CISD1: variants seen among roughly 807,000 people sequenced by gnomAD.
The protein encoded by CISD1 is CDGSH iron-sulfur domain-containing protein 1.
Under a neutral mutation model 12.0 loss-of-function variants are expected in CISD1, and 8 were observed. The ratio of observed to expected loss-of-function variants is 0.67; its 90% confidence interval spans 0.39 to 1.20. The LOEUF is 1.20. CISD1 is among the 50% of genes most tolerant of loss of function. The probability of loss-of-function intolerance (pLI) is 0.01; values close to 1 mark genes in which losing one functional copy is unlikely to be tolerated. For missense variants in CISD1, 107 were observed against 132.7 expected (o/e 0.81, Z 0.95); for synonymous variants, 38 against 42.2 (o/e 0.90, Z 0.39).
chr10:58,273,085 G>GT (rs1839267672), intron 1 of CISD1, among the ~76,000 whole-genome samples: 1 of 152,040 alleles, frequency 6.6e-6, no homozygotes, highest in Non-Finnish European at 1.5e-5. Flanking sequence ...TATACCTGAA[G>GT]TTTTTTGTTT....
intron 2 of CISD1, 124 bp downstream of exon 2, chr10:58,277,446 GT>G: frequency 4.4e-6 from 3 of 684,918 alleles, no homozygotes; most frequent in South Asian, 2.2e-5. Context: ...TTGAGACAGA[GT>G]CTTGCTCTGT....
At position 58,280,807 on chromosome 10, in the gene CISD1, C is replaced by G. The variant is rs2132282161; in HGVS notation, c.237+3485C>G. On this transcript the variant is annotated intron_variant, in intron 2 of 2. Transcript: ENST00000333926. ...TTCAAAGTAGAAGAGGGAAAAGTTT[C>G]AATGATCTGGTACTGAACATTGGCC... Among the ~76,000 whole-genome samples, 2 of 152,274 alleles carry G rather than the reference C, an allele frequency of 1.3e-5. 1 individual carries two copies. The highest frequency in any genetic ancestry group is 4.1e-4 in the South Asian group (2 of 4,826).
chr10:58,283,694 C>T (rs1232839854), intron 2 of CISD1, among the ~76,000 whole-genome samples: 4 of 152,208 alleles, frequency 2.6e-5, no homozygotes. Context: ...GCATTGCTAG[C>T]TTTCCAGGTG....
rs11435069 is a variant in CISD1, at chr10:58,272,225, T to TAAA, written c.31+2933_31+2935dup. On this transcript the variant is annotated intron_variant, in intron 1 of 2. Coordinates refer to ENST00000333926, the MANE Select transcript of CISD1 (RefSeq NM_018464.5). ...GTCACTCATAATTCACCCTCATCTT[T>TAAA]AAAAAAAAAAAAAAGCCAACTATAC... Among the ~76,000 whole-genome samples, 34 of 140,644 alleles carry TAAA rather than the reference T, an allele frequency of 2.4e-4. No homozygotes were observed. The East Asian group carries it at 3.5e-3, about 14-fold the overall frequency. The allele number at this position is 140,644 out of a possible 152,430, so 92.3% of individuals were successfully genotyped here. A position where few individuals can be genotyped will look rare whatever the true frequency, so the allele number is the denominator to read the frequency against.
At chr10:58,274,299 T>C (rs749002605) in intron 1 of CISD1, among the ~76,000 whole-genome samples, 1 of 152,180 alleles carries the variant, frequency 6.6e-6, no homozygotes, top group Non-Finnish European at 1.5e-5. Context: ...TTTATCCTAA[T>C]TGTTGATTTT....
rs567722274 is a variant in CISD1, at chr10:58,282,144, T to G, written c.237+4822T>G. On this transcript the variant is annotated intron_variant, in intron 2 of 2. Coordinates refer to ENST00000333926, the MANE Select transcript of CISD1 (RefSeq NM_018464.5). The stretch of plus-strand genomic sequence containing the variant: ...GCCTGGCTAATTTTTGTATTCTTAG[T>G]AGAGACAGGGTTTCACCATGTTGGC... Among the ~76,000 whole-genome samples the G allele has an allele frequency of 1.2e-4, 19 of 152,228 alleles. No individual in the cohort carries two copies. The South Asian group carries it at 3.9e-3, about 32-fold the overall frequency.
rs1839206861 is a variant in CISD1, at chr10:58,269,192, G to T, written c.-82G>T. ...CGCGGAGTCGGTGCTTTAGTACGCC[G>T]CTGGCACCTTTACTCTCGCCGGCCG... On this transcript the variant is annotated 5_prime_UTR_variant, in exon 1 of 3. Coordinates refer to ENST00000333926, the MANE Select transcript of CISD1 (RefSeq NM_018464.5). The T allele has an allele frequency of 6.9e-7, 1 of 1,456,676 alleles. No homozygotes were observed. The highest frequency in any genetic ancestry group is 9.5e-7 in the Non-Finnish European group (1 of 1,050,906). 90.2% of individuals were successfully genotyped at this position (1,456,676 alleles called of 1,614,324 possible).
chr10:58,284,024 C>A (rs1194870424), intron 2 of CISD1, among the ~76,000 whole-genome samples: 1 of 151,958 alleles, frequency 6.6e-6, no homozygotes. Context: ...TAATAAAATT[C>A]TCATATTTTT....
intron 1 of CISD1, among the ~76,000 whole-genome samples, chr10:58,271,141 G>A (rs1839243582): frequency 6.8e-6 from 1 of 148,086 alleles, no homozygotes; most frequent in Non-Finnish European, 1.5e-5. Context: ...CCGGGTTCAT[G>A]CCATTCTCCT....
intron 2 of CISD1, among the ~76,000 whole-genome samples, chr10:58,278,660 G>T (rs962110028): frequency 6.6e-6 from 1 of 152,162 alleles, no homozygotes; most frequent in Non-Finnish European, 1.5e-5. Context: ...ATAGTAGAGG[G>T]TCATTTTCGC....
Position 58,287,741 on chromosome 10 carries a change from G to A in CISD1, c.*91G>A, listed in dbSNP as rs888410943. The A allele has an allele frequency of 2.4e-5, 18 of 735,042 alleles. No individual in the cohort carries two copies. The highest frequency in any genetic ancestry group is 2.3e-4 in the South Asian group (10 of 44,378). 45.5% of individuals were successfully genotyped at this position (735,042 alleles called of 1,614,324 possible). A position where few individuals can be genotyped will look rare whatever the true frequency, so the allele number is the denominator to read the frequency against. ...TACCACCTCTGTCTGATTCACCTTCGCTGGATTCTAAATGTGGTATATTGC... is the reference window on the plus strand; with the variant it reads ...TACCACCTCTGTCTGATTCACCTTCACTGGATTCTAAATGTGGTATATTGC... On this transcript the variant is annotated 3_prime_UTR_variant, in exon 3 of 3. Coordinates refer to ENST00000333926, the MANE Select transcript of CISD1 (RefSeq NM_018464.5).
At chr10:58,284,769 G>A (rs1312050490) in intron 2 of CISD1, among the ~76,000 whole-genome samples, 3 of 152,060 alleles carry the variant, frequency 2.0e-5, no homozygotes, top group Non-Finnish European at 4.4e-5. Flanking sequence ...GAAAATGTTA[G>A]TTTCTAATAT....
chr10:58,280,114 A>C (rs978528935), intron 2 of CISD1, among the ~76,000 whole-genome samples: 1 of 152,238 alleles, frequency 6.6e-6, no homozygotes, highest in African/African-American at 2.4e-5. Context: ...CAAAATCTGC[A>C]AGGAAGGACT....
chr10:58,288,623 G>A lies in CISD1; in HGVS notation c.*973G>A, dbSNP rs1460550790. 2.0e-5 allele frequency: 3 copies of A among 152,022 alleles called. No homozygotes were observed. The highest frequency in any genetic ancestry group is 4.4e-5 in the Non-Finnish European group (3 of 67,922). The allele number at this position is 152,022 out of a possible 1,614,324, so 9.4% of individuals were successfully genotyped here. A position where few individuals can be genotyped will look rare whatever the true frequency, so the allele number is the denominator to read the frequency against. ...AATTTGAAGACAAGTGTTTGTTTAT[G>A]TAATATTCTTCAAAGACTCCGAGCA... On this transcript the variant is annotated 3_prime_UTR_variant, in exon 3 of 3. Transcript: ENST00000333926.
In CISD1 at chr10:58,269,219, G is replaced by C; in HGVS notation, c.-55G>C. 6.3e-7 allele frequency: 1 copy of C among 1,587,060 alleles called. No homozygotes were observed. Reference sequence around the variant, plus strand: ...TGGCACCTTTACTCTCGCCGGCCGCGCGAACCCGTTTGAGCTCGGTATCCT... The same window carrying C: ...TGGCACCTTTACTCTCGCCGGCCGCCCGAACCCGTTTGAGCTCGGTATCCT... On this transcript the variant is annotated 5_prime_UTR_variant, in exon 1 of 3. Transcript: ENST00000333926.
intron 1 of CISD1, among the ~76,000 whole-genome samples, chr10:58,271,624 G>T (rs1045961985): frequency 2.0e-5 from 3 of 152,170 alleles, no homozygotes; most frequent in African/African-American, 7.2e-5. Context: ...TCAATTAAAT[G>T]AATTTGTAAT....
Position 58,287,652 on chromosome 10 carries a change from T to TG in CISD1, c.*4dup. The stretch of plus-strand genomic sequence containing the variant: ...ATCATCAAGAAAAAAGAAACTTAAA[T>TG]GGACACTTTTGATGCTGCAAATCAG... On this transcript the variant is annotated 3_prime_UTR_variant, in exon 3 of 3. Coordinates refer to ENST00000333926, the MANE Select transcript of CISD1 (RefSeq NM_018464.5). The TG allele has an allele frequency of 6.3e-7, 1 of 1,590,702 alleles. No individual in the cohort carries two copies.
intron 2 of CISD1, among the ~76,000 whole-genome samples, chr10:58,280,725 C>T (rs1839364654): frequency 6.6e-6 from 1 of 152,028 alleles, no homozygotes; most frequent in Admixed American, 6.6e-5. Flanking sequence ...GGACAAGAGC[C>T]ATTTAAGGAG....
chr10:58,287,474 A>T (rs184518614), intron 2 of CISD1, 87 bp from the exon 3 acceptor site: 23 of 847,010 alleles, frequency 2.7e-5, no homozygotes, highest in Non-Finnish European at 4.0e-5. Context: ...TCTTTATGTT[A>T]TATGAATTAA....
Sources: allele counts gnomAD v4.1 joint callset (sites outside exome capture counted in the v4.1 genomes callset), GRCh38; gene constraint gnomAD v4.1.1; transcripts MANE v1.5; gene names NCBI Gene and HGNC (gene_info 2026-07-23, HGNC 2026-07-21).